The following DYNC1I1 variants were observed in gnomAD, a reference collection of about 807,000 sequenced individuals.
DYNC1I1 encodes the protein cytoplasmic dynein 1 intermediate chain 1.
In DYNC1I1, 43 loss-of-function variants were observed where a neutral mutation model predicts 86.6. The observed-to-expected ratio is 0.50, with a 90% CI of 0.39 to 0.64. DYNC1I1 has a LOEUF of 0.64. Ranked by LOEUF, DYNC1I1 falls within the 30% of genes least tolerant of loss-of-function variation. The pLI is 0.00. For missense variants in DYNC1I1, 604 were observed against 788.8 expected, an observed-to-expected ratio of 0.77 and a Z score of 2.81; for synonymous variants, 262 against 283.7, an observed-to-expected ratio of 0.92 and a Z score of 0.77.
chr7:95,972,141 G>A lies in DYNC1I1; in HGVS notation c.491-5371G>A, dbSNP rs560790105. Among the ~76,000 whole-genome samples, 26 of 152,260 alleles carry A rather than the reference G, an allele frequency of 1.7e-4. No homozygotes were observed. In the South Asian group the frequency reaches 5.0e-3, roughly 29 times the overall value. On this transcript the variant is annotated intron_variant, in intron 6 of 16. Coordinates refer to ENST00000447467, the MANE Select transcript of DYNC1I1 (RefSeq NM_001135556.2). ...TGAGGGTTCTGGTTGCATGCAGCAG[G>A]CATCATCTCTGGTGGGACTTACTGG...
intron 10 of DYNC1I1, among the ~76,000 whole-genome samples, chr7:96,017,290 T>C (rs1235460955): frequency 2.0e-5 from 3 of 152,192 alleles, no homozygotes; most frequent in African/African-American, 7.2e-5. Context: ...TTCATCTTCA[T>C]CTCTTCCTGT....
chr7:96,085,981 A>G (rs1213560523), intron 16 of DYNC1I1, among the ~76,000 whole-genome samples: 1 of 152,170 alleles, frequency 6.6e-6, no homozygotes, highest in African/African-American at 2.4e-5. Flanking sequence ...TTAAAAATAA[A>G]AACGACTCAT....
chr7:95,964,623 A>G (rs920288359), intron 6 of DYNC1I1, among the ~76,000 whole-genome samples: 1 of 152,226 alleles, frequency 6.6e-6, no homozygotes, highest in African/African-American at 2.4e-5. Context: ...AATTCCCACC[A>G]CTAAAATATG....
intron 14 of DYNC1I1, among the ~76,000 whole-genome samples, chr7:96,044,969 A>C (rs1008822483): frequency 6.6e-6 from 1 of 152,160 alleles, no homozygotes; most frequent in African/African-American, 2.4e-5. Context: ...TATGGGAATG[A>C]ATGAAGGGCA....
At chr7:95,842,434 G>T (rs1330131448) in intron 5 of DYNC1I1, among the ~76,000 whole-genome samples, 1 of 152,180 alleles carries the variant, frequency 6.6e-6, no homozygotes. Context: ...CTATTACAAG[G>T]TGATAGACGT....
Position 95,871,195 on chromosome 7 carries a change from G to T in DYNC1I1, c.490+1197G>T, listed in dbSNP as rs1212683169. 3.9e-5 allele frequency among the ~76,000 whole-genome samples: 6 copies of T among 152,174 alleles called. No individual in the cohort carries two copies. In the East Asian group the frequency reaches 1.2e-3, roughly 29 times the overall value. On this transcript the variant is annotated intron_variant, in intron 6 of 16. Coordinates refer to ENST00000447467, the MANE Select transcript of DYNC1I1 (RefSeq NM_001135556.2). ...GAAAATCTTGCCTATACAAGCTGTT[G>T]TGGGGACAGTTCTTCAGTAGCAGGG...
chr7:96,032,123 TA>T (rs777020596), intron 11 of DYNC1I1, among the ~76,000 whole-genome samples: 5 of 152,182 alleles, frequency 3.3e-5, no homozygotes, highest in Non-Finnish European at 5.9e-5. Flanking sequence ...ATTGTGCCAA[TA>T]ATCTCACCAC....
In DYNC1I1 at chr7:95,995,961, T is replaced by C; in HGVS notation, c.857T>C (p.Met286Thr). 6.2e-7 allele frequency: 1 copy of C among 1,605,762 alleles called. No individual in the cohort carries two copies. The highest frequency in any genetic ancestry group is 1.3e-5 in the African/African-American group (1 of 74,556). Residue 286 changes from methionine to threonine, a missense_variant, in exon 10 of 17, where the codon ATG (methionine) becomes ACG (threonine). By Grantham distance (81) the Met-to-Thr change is moderately conservative. Coordinates refer to ENST00000447467, the MANE Select transcript of DYNC1I1 (RefSeq NM_001135556.2). Reference protein sequence around the residue: ...MDWSLQYPELMVASYNNNEDA... With the variant: ...MDWSLQYPELTVASYNNNEDA... ...TCTTCCATTTAGTACCCTGAGCTGA[T>C]GGTGGCTTCTTACAACAACAATGAA... is the stretch of plus-strand genomic sequence containing the variant.
chr7:95,892,029 A>G (rs909325409), intron 6 of DYNC1I1, among the ~76,000 whole-genome samples: 18 of 152,136 alleles, frequency 1.2e-4, no homozygotes, highest in African/African-American at 4.3e-4. Flanking sequence ...GTGCAGTAGC[A>G]TCATTTCGGC....
intron 7 of DYNC1I1, among the ~76,000 whole-genome samples, chr7:95,979,216 C>T (rs1046662718): frequency 2.0e-5 from 3 of 152,112 alleles, no homozygotes; most frequent in Non-Finnish European, 4.4e-5. Flanking sequence ...AAGGCCAGTG[C>T]AAGATAGTAA....
intron 14 of DYNC1I1, among the ~76,000 whole-genome samples, chr7:96,050,028 AACAAACAAAC>A (rs1479601080): frequency 6.8e-6 from 1 of 147,920 alleles, no homozygotes; most frequent in African/African-American, 2.5e-5. Context: ...TCTCAAAAAA[AACAAACAAAC>A]AAAAAAAAAA....
In DYNC1I1 at chr7:96,097,627, T is replaced by G. The variant is rs566737255; in HGVS notation, c.*34T>G. The G allele has an allele frequency of 2.8e-5, 45 of 1,612,110 alleles. No individual in the cohort carries two copies. Among genetic ancestry groups the G allele is most frequent in the Admixed American group, 2.7e-4 (16 of 59,802 alleles). ...AGCCACCCCCACTGCAGCCCCCACCTTTGTGTCCTAGAGCTCAGCGTCTGC... is the reference window on the plus strand; with the variant it reads ...AGCCACCCCCACTGCAGCCCCCACCGTTGTGTCCTAGAGCTCAGCGTCTGC... On this transcript the variant is annotated 3_prime_UTR_variant, in exon 17 of 17. Transcript: ENST00000447467.
intron 14 of DYNC1I1, among the ~76,000 whole-genome samples, chr7:96,074,459 G>A (rs1359647141): frequency 2.0e-5 from 3 of 151,118 alleles, no homozygotes; most frequent in African/African-American, 4.9e-5. Flanking sequence ...GCTGAGGTAG[G>A]AGAATGGCGT....
intron 2 of DYNC1I1, 93 bp downstream of exon 2, chr7:95,804,930 G>T (rs922162761): frequency 2.3e-5 from 34 of 1,456,294 alleles, no homozygotes; most frequent in Non-Finnish European, 3.1e-5. Context: ...CTCCCTAAAA[G>T]AATCCTTTTA....
chr7:96,080,530 T>G (rs1790483500), intron 16 of DYNC1I1, 42 bp downstream of exon 16: 1 of 1,613,946 alleles, frequency 6.2e-7, no homozygotes, highest in Non-Finnish European at 8.5e-7. Context: ...TTGACTTGTG[T>G]ATCTACTTTA....
At chr7:96,065,388 T>TTG (rs1789943592) in intron 14 of DYNC1I1, among the ~76,000 whole-genome samples, 2 of 149,290 alleles carry the variant, frequency 1.3e-5, no homozygotes, top group African/African-American at 4.9e-5. Flanking sequence ...CTTTTTTTTT[T>TTG]TTTTTTTGAG....
intron 10 of DYNC1I1, among the ~76,000 whole-genome samples, chr7:96,018,822 C>T (rs990123982): frequency 1.3e-5 from 2 of 152,160 alleles, no homozygotes; most frequent in Non-Finnish European, 2.9e-5. Flanking sequence ...TGACACGATT[C>T]CATAAGGGAA....
chr7:96,054,302 C>A (rs1488524395), intron 14 of DYNC1I1, among the ~76,000 whole-genome samples: 2 of 152,168 alleles, frequency 1.3e-5, no homozygotes, highest in Non-Finnish European at 2.9e-5. Context: ...CATGTCCCTG[C>A]AAAGGGCAGG....
intron 10 of DYNC1I1, among the ~76,000 whole-genome samples, chr7:96,010,370 C>T (rs1011058064): frequency 6.6e-6 from 1 of 152,154 alleles, no homozygotes; most frequent in African/African-American, 2.4e-5. Context: ...GGCGACCTCA[C>T]ATGAAGAATA....
Sources: allele counts gnomAD v4.1 joint callset (sites outside exome capture counted in the v4.1 genomes callset), GRCh38; gene constraint gnomAD v4.1.1; transcripts MANE v1.5; gene names NCBI Gene and HGNC (gene_info 2026-07-23, HGNC 2026-07-21).